The following GLYATL1B variants were observed in gnomAD, a reference collection of about 807,000 sequenced individuals.
GLYATL1B encodes the protein glycine-N-acyltransferase like 1B, also known as putative glycine N-acyltransferase-like protein 1B.
GLYATL1B carries 6 observed loss-of-function variants against 5.5 expected under a neutral mutation model. That is an observed-to-expected ratio of 1.09 (90% CI 0.60 to 2.15). The LOEUF (loss-of-function observed/expected upper bound fraction) is 2.15. Ranked by LOEUF, GLYATL1B falls within the 30% of genes most tolerant of loss-of-function variation. GLYATL1B has a pLI of 0.00. For synonymous variants in GLYATL1B, 67 were observed against 34.9 expected (o/e 1.92, Z -3.24); for missense variants, 135 against 94.1 (o/e 1.43, Z -1.80).
chr11:59,091,688 C>A (rs796837938), intron 2 of GLYATL1B, among the ~76,000 whole-genome samples: 1 of 152,220 alleles, frequency 6.6e-6, no homozygotes, highest in South Asian at 2.1e-4. Context: ...AGTTGCCATT[C>A]GACCCAGCAA....
At chr11:59,090,210 T>C (rs1463556914) in intron 2 of GLYATL1B, among the ~76,000 whole-genome samples, 1 of 152,026 alleles carries the variant, frequency 6.6e-6, no homozygotes, top group Admixed American at 6.6e-5. Flanking sequence ...TTTTAATATC[T>C]AATAAAGCAA....
At chr11:59,090,561 CTTTTCT>C (rs1285638911) in intron 2 of GLYATL1B, among the ~76,000 whole-genome samples, 1 of 151,348 alleles carries the variant, frequency 6.6e-6, no homozygotes, top group African/African-American at 2.4e-5. Context: ...ATTATTTTTC[CTTTTCT>C]ATTTCTGAGC....
rs532578881 is a variant in GLYATL1B, at chr11:59,087,157, C to T, written c.172C>T (p.Arg58Ter). ...GCCCGAGTATCAGATGGTTATTATC[C>T]GACCTCAAAAACAGGTAGGCACACA... ...SWPEYQMVIIRPQKQEMTDDM... is the reference protein window; with the variant it reads ...SWPEYQMVII Residue 58 changes from arginine to a stop codon, truncating the protein, a stop_gained, in exon 2 of 5, where the codon CGA (arginine) becomes TGA (stop). Transcript: ENST00000527482. LOFTEE classifies it high-confidence loss of function. 23 of 629,494 alleles carry T rather than the reference C, an allele frequency of 3.7e-5. No individual in the cohort carries two copies. Among genetic ancestry groups the T allele is most frequent in the Middle Eastern group, 2.7e-4 (1 of 3,674 alleles). The allele number at this position is 629,494 out of a possible 1,614,324, so 39.0% of individuals were successfully genotyped here.
chr11:59,091,643 A>T (rs1457904305), intron 2 of GLYATL1B, among the ~76,000 whole-genome samples: 1 of 152,216 alleles, frequency 6.6e-6, no homozygotes, highest in East Asian at 1.9e-4. Flanking sequence ...CACTGTGGAA[A>T]GTAGTCTGGA....
At chr11:59,089,227 A>G (rs984193160) in intron 2 of GLYATL1B, among the ~76,000 whole-genome samples, 18 of 152,228 alleles carry the variant, frequency 1.2e-4, no homozygotes, top group African/African-American at 4.1e-4. Context: ...CATAGAGTCA[A>G]TGCAATGCTA....
intron 4 of GLYATL1B, 60 bp from the exon 5 acceptor site, chr11:59,094,309 G>T: frequency 2.1e-6 from 1 of 485,320 alleles, no homozygotes; most frequent in Non-Finnish European, 3.7e-6. Context: ...GAATGGAAGG[G>T]CACCTAGAAA....
chr11:59,088,149 G>T (rs997452990), intron 2 of GLYATL1B, among the ~76,000 whole-genome samples: 8 of 152,092 alleles, frequency 5.3e-5, no homozygotes, highest in Admixed American at 2.6e-4. Context: ...GTTAAAATGG[G>T]AAAAATAGGA....
At chr11:59,089,395 C>G (rs1859261286) in intron 2 of GLYATL1B, among the ~76,000 whole-genome samples, 2 of 152,294 alleles carry the variant, frequency 1.3e-5, no homozygotes, top group Non-Finnish European at 2.9e-5. Context: ...CAAGTCAGAG[C>G]TTATCTTATC....
At chr11:59,088,365 T>C (rs1859235332) in intron 2 of GLYATL1B, among the ~76,000 whole-genome samples, 1 of 152,208 alleles carries the variant, frequency 6.6e-6, no homozygotes. Flanking sequence ...TGTGTCTGTT[T>C]CATGCACATC....
At position 59,094,763 on chromosome 11, in the gene GLYATL1B, C is replaced by T. The variant is rs374685487; in HGVS notation, c.886C>T (p.Pro296Ser). ...TCAGTGGCACCAATGGAACTGCTAC[C>T]CACAGAATCTTGTTCCATTGTAGAC... Reference protein sequence around the residue: ...SCQWHQWNCYPQNLVPL With the variant: ...SCQWHQWNCYSQNLVPL The change falls in exon 5 of 5, where the codon CCA (proline) becomes TCA (serine). Residue 296 changes from proline (P) to serine (S), a missense_variant. Physicochemically the swap from Pro to Ser is moderately conservative, Grantham distance 74 (BLOSUM62 -1). Coordinates refer to ENST00000527482, the MANE Select transcript of GLYATL1B (RefSeq NM_001355566.1). 6 of 468,322 alleles carry T rather than the reference C, an allele frequency of 1.3e-5. No individual in the cohort carries two copies. The East Asian group carries it at 1.6e-4, about 12-fold the overall frequency. The allele number at this position is 468,322 out of a possible 1,614,324, so 29.0% of individuals were successfully genotyped here. A position where few individuals can be genotyped will look rare whatever the true frequency, so the allele number is the denominator to read the frequency against.
At chr11:59,089,077 C>T (rs182877725) in intron 2 of GLYATL1B, among the ~76,000 whole-genome samples, 34 of 152,284 alleles carry the variant, frequency 2.2e-4, no homozygotes, top group African/African-American at 7.5e-4. Flanking sequence ...AATCGGTGTC[C>T]TTGGCCATAT....
chr11:59,087,442 G>GA (rs1206420970), intron 2 of GLYATL1B, among the ~76,000 whole-genome samples: 2 of 152,004 alleles, frequency 1.3e-5, no homozygotes, highest in Non-Finnish European at 2.9e-5. Flanking sequence ...AGGTGGCAGG[G>GA]GTCACCTGCA....
intron 2 of GLYATL1B, 59 bp downstream of exon 2, chr11:59,087,230 T>A: frequency 2.1e-6 from 1 of 481,432 alleles, no homozygotes; most frequent in East Asian, 3.0e-5. Context: ...TGAGGAACTG[T>A]CCAATTCAGA....
intron 2 of GLYATL1B, among the ~76,000 whole-genome samples, chr11:59,092,595 A>G (rs949264384): frequency 1.3e-5 from 2 of 152,212 alleles, no homozygotes; most frequent in Admixed American, 6.5e-5. Context: ...TTTTCAACAT[A>G]ATATTAATAC....
chr11:59,087,378 G>A (rs1402128759), intron 2 of GLYATL1B, among the ~76,000 whole-genome samples: 1 of 152,028 alleles, frequency 6.6e-6, no homozygotes, highest in African/African-American at 2.4e-5. Context: ...AGGGGGTCAA[G>A]GGGGAAGGGG....
At chr11:59,089,501 C>T (rs1859264066) in intron 2 of GLYATL1B, among the ~76,000 whole-genome samples, 1 of 152,184 alleles carries the variant, frequency 6.6e-6, no homozygotes, top group Non-Finnish European at 1.5e-5. Flanking sequence ...TTCTCATCAG[C>T]AGTGAATGTT....
intron 2 of GLYATL1B, among the ~76,000 whole-genome samples, chr11:59,089,497 T>A (rs775466371): frequency 6.6e-6 from 1 of 152,192 alleles, no homozygotes; most frequent in Admixed American, 6.5e-5. Context: ...CACATTCTCA[T>A]CAGCAGTGAA....
chr11:59,086,745 G>A (rs1859201407), intron 1 of GLYATL1B, among the ~76,000 whole-genome samples: 1 of 152,112 alleles, frequency 6.6e-6, no homozygotes, highest in Admixed American at 6.6e-5. Flanking sequence ...AATAAAATGG[G>A]AATAATATTA....
chr11:59,087,525 A>C (rs1228247615), intron 2 of GLYATL1B, among the ~76,000 whole-genome samples: 2 of 152,058 alleles, frequency 1.3e-5, no homozygotes, highest in Non-Finnish European at 2.9e-5. Context: ...TAGAACCAAA[A>C]ACCAAGGCAG....
Sources: allele counts gnomAD v4.1 joint callset (sites outside exome capture counted in the v4.1 genomes callset), GRCh38; gene constraint gnomAD v4.1.1; transcripts MANE v1.5; gene names NCBI Gene and HGNC (gene_info 2026-07-23, HGNC 2026-07-21).